The following DPP10 variants were observed in gnomAD, a reference collection of about 807,000 sequenced individuals.
DPP10 encodes the protein inactive dipeptidyl peptidase 10.
DPP10 carries 33 observed loss-of-function variants against 120.9 expected under a neutral mutation model. The ratio of observed to expected loss-of-function variants is 0.27; its 90% CI spans 0.21 to 0.37. The LOEUF (loss-of-function observed/expected upper bound fraction) is 0.37. Ranked by LOEUF, DPP10 falls within the 10% of genes least tolerant of loss-of-function variation. DPP10 has a pLI of 1.00. For synonymous variants in DPP10, 337 were observed against 326.1 expected (o/e 1.03, Z -0.36); for missense variants, 816 against 942.8 (o/e 0.87, Z 1.76).
chr2:115,010,454 C>T (rs1485845360), intron 1 of DPP10, among the ~76,000 whole-genome samples: 1 of 151,868 alleles, frequency 6.6e-6, no homozygotes, highest in East Asian at 1.9e-4. Flanking sequence ...TGTGACAATG[C>T]CCAGGTGTCA....
At chr2:114,926,455 T>C (rs539540222) in intron 1 of DPP10, among the ~76,000 whole-genome samples, 1 of 152,308 alleles carries the variant, frequency 6.6e-6, no homozygotes, top group African/African-American at 2.4e-5. Context: ...CTGATGTTTG[T>C]CAGAAGCTGG....
At chr2:115,705,424 C>A (rs1352361285) in intron 7 of DPP10, among the ~76,000 whole-genome samples, 1 of 151,892 alleles carries the variant, frequency 6.6e-6, no homozygotes, top group Admixed American at 6.6e-5. Flanking sequence ...CATTCACACA[C>A]GTTACTGCTG....
intron 1 of DPP10, among the ~76,000 whole-genome samples, chr2:114,984,331 G>A (rs1459848682): frequency 6.6e-6 from 1 of 152,094 alleles, no homozygotes; most frequent in Non-Finnish European, 1.5e-5. Context: ...GCTAGTCTGG[G>A]GCAAATTCGC....
intron 7 of DPP10, among the ~76,000 whole-genome samples, chr2:115,722,466 A>G (rs10194558): frequency 0.052 from 7,956 of 151,826 alleles, 687 homozygotes; most frequent in African/African-American, 0.18. Context: ...TCGTTACGCA[A>G]TTTTGTCGTT....
At chr2:114,800,587 A>G (rs1684105723) in intron 1 of DPP10, among the ~76,000 whole-genome samples, 4 of 152,248 alleles carry the variant, frequency 2.6e-5, no homozygotes, top group Admixed American at 2.0e-4. Context: ...GATGTATTAT[A>G]TCATCTCACA....
intron 5 of DPP10, among the ~76,000 whole-genome samples, chr2:115,640,089 TTTGAGTG>T (rs1464405513): frequency 2.6e-5 from 4 of 152,022 alleles, no homozygotes; most frequent in East Asian, 3.9e-4. Context: ...AAGTGTACCC[TTTGAGTG>T]TTGAATGGAG....
intron 1 of DPP10, among the ~76,000 whole-genome samples, chr2:115,041,045 G>C (rs915272008): frequency 1.8e-4 from 27 of 150,796 alleles, no homozygotes; most frequent in African/African-American, 6.6e-4. Context: ...CTTGAACCCG[G>C]GAAGCAGAGG....
chr2:114,460,458 A>C (rs553121239), intron 1 of DPP10, among the ~76,000 whole-genome samples: 1 of 152,278 alleles, frequency 6.6e-6, no homozygotes, highest in Non-Finnish European at 1.5e-5. Flanking sequence ...AACGGTGATA[A>C]TTCTGAGTAT....
At chr2:114,453,677 T>G (rs993686460) in intron 1 of DPP10, among the ~76,000 whole-genome samples, 6 of 152,126 alleles carry the variant, frequency 3.9e-5, no homozygotes, top group Admixed American at 2.6e-4. Context: ...ATGACTGGGA[T>G]GAGCAAGCAC....
chr2:115,133,115 ATGTG>A (rs1242932823), intron 1 of DPP10, among the ~76,000 whole-genome samples: 1,243 of 73,726 alleles, frequency 0.017, 7 homozygotes, highest in East Asian at 0.02. Flanking sequence ...ATGTATATGT[ATGTG>A]TGTGTGTGTG....
intron 1 of DPP10, among the ~76,000 whole-genome samples, chr2:115,155,128 G>C (rs1040602700): frequency 1.3e-5 from 2 of 151,512 alleles, no homozygotes; most frequent in Non-Finnish European, 2.9e-5. Context: ...GCTTGGTCTC[G>C]AACTCCTGAC....
intron 1 of DPP10, among the ~76,000 whole-genome samples, chr2:115,293,551 C>G (rs2060751466): frequency 6.6e-6 from 1 of 151,944 alleles, no homozygotes; most frequent in South Asian, 2.1e-4. Context: ...TTCTTTTTTT[C>G]ACTATTACAC....
intron 1 of DPP10, among the ~76,000 whole-genome samples, chr2:114,983,956 ACTCTTACACCGC>A: frequency 6.6e-6 from 1 of 151,984 alleles, no homozygotes; most frequent in South Asian, 2.1e-4. Context: ...TGACTTAACC[ACTCTTACACCGC>A]CTCTCCATGC....
chr2:115,449,913 G>A (rs1453898546), intron 3 of DPP10, among the ~76,000 whole-genome samples: 1 of 152,136 alleles, frequency 6.6e-6, no homozygotes, highest in Non-Finnish European at 1.5e-5. Context: ...TTAAACTTGA[G>A]TTGTCCTTTT....
In DPP10 at chr2:115,792,227, A is replaced by G. The variant is rs1442286889; in HGVS notation, c.1700+871A>G. Among the ~76,000 whole-genome samples, 17 of 152,126 alleles carry G rather than the reference A, an allele frequency of 1.1e-4. 1 individual carries two copies. The highest frequency in any genetic ancestry group is 1.1e-3 in the Admixed American group (17 of 15,270). On this transcript the variant is annotated intron_variant, in intron 19 of 25. Transcript: ENST00000410059. Reference sequence around the variant, plus strand: ...CTCCTACAAGGCTAAGTTTCTCTAAATATAAAACAATCATTACAATACAAC... The same window carrying G: ...CTCCTACAAGGCTAAGTTTCTCTAAGTATAAAACAATCATTACAATACAAC...
intron 5 of DPP10, among the ~76,000 whole-genome samples, chr2:115,595,155 G>A (rs2082910305): frequency 6.6e-6 from 1 of 151,972 alleles, no homozygotes; most frequent in Non-Finnish European, 1.5e-5. Context: ...ATTTTAGAAA[G>A]CAAAAACATT....
At chr2:114,770,939 T>C (rs1487229384) in intron 1 of DPP10, among the ~76,000 whole-genome samples, 6 of 151,916 alleles carry the variant, frequency 3.9e-5, no homozygotes, top group Non-Finnish European at 5.9e-5. Flanking sequence ...TAAAATCAAA[T>C]GGGAAAAAAC....
intron 1 of DPP10, among the ~76,000 whole-genome samples, chr2:114,649,059 A>C (rs1274908253): frequency 6.6e-6 from 1 of 152,236 alleles, no homozygotes; most frequent in Admixed American, 6.5e-5. Flanking sequence ...ATGTGCTGGT[A>C]ATTTACAAAG....
chr2:114,748,958 A>G (rs1347050906), intron 1 of DPP10, among the ~76,000 whole-genome samples: 1 of 128,922 alleles, frequency 7.8e-6, no homozygotes, highest in Non-Finnish European at 1.6e-5. Flanking sequence ...TTCTAGTTCT[A>G]GATCCCTGAG....
Sources: allele counts gnomAD v4.1 joint callset (sites outside exome capture counted in the v4.1 genomes callset), GRCh38; gene constraint gnomAD v4.1.1; transcripts MANE v1.5; gene names NCBI Gene and HGNC (gene_info 2026-07-23, HGNC 2026-07-21).